Variants in SHTN1 observed in about 807,000 individuals in gnomAD.
SHTN1 encodes the protein shootin-1.
Under a neutral mutation model 83.1 loss-of-function variants are expected in SHTN1, and 42 were observed. The observed-to-expected ratio is 0.51, with a 90% CI of 0.39 to 0.65. The LOEUF (loss-of-function observed/expected upper bound fraction) is 0.65, where lower values mean the gene tolerates loss of function less well. Ranked by LOEUF, SHTN1 falls within the 30% of genes least tolerant of loss-of-function variation. The probability of loss-of-function intolerance (pLI) is 0.00; values close to 1 mark genes in which losing one functional copy is unlikely to be tolerated. For synonymous variants in SHTN1, 224 were observed against 247.7 expected (o/e 0.90, Z 0.90); for missense variants, 622 against 737.8 (o/e 0.84, Z 1.82).
intron 3 of SHTN1, 96 bp from the exon 4 acceptor site, chr10:116,960,326 C>G: frequency 1.4e-6 from 1 of 698,358 alleles, no homozygotes; most frequent in Non-Finnish European, 2.5e-6. Context: ...TACTTCAATT[C>G]TTTGGCTAGC....
intron 2 of SHTN1, among the ~76,000 whole-genome samples, chr10:117,017,037 G>A (rs1256752967): frequency 4.6e-5 from 7 of 152,072 alleles, no homozygotes; most frequent in Non-Finnish European, 7.4e-5. Flanking sequence ...TTGAGAAATG[G>A]CTGATTCTAA....
At chr10:116,990,737 G>A (rs10787735) in intron 1 of SHTN1, among the ~76,000 whole-genome samples, 89,553 of 151,910 alleles carry the variant, frequency 0.59, 29,519 homozygotes, top group Middle Eastern at 0.75. Context: ...TTTTCTGTTT[G>A]TCTTAGTGAC....
At chr10:117,007,288 T>A (rs1852034487), upstream of SHTN1, among the ~76,000 whole-genome samples, 1 of 151,884 alleles carries the variant, frequency 6.6e-6, no homozygotes, top group African/African-American at 2.4e-5. Context: ...ACAAGCAGAG[T>A]GCCCATTAAA....
intron 3 of SHTN1, among the ~76,000 whole-genome samples, chr10:116,963,074 T>G (rs1335260988): frequency 2.3e-5 from 1 of 42,820 alleles, no homozygotes; most frequent in East Asian, 5.6e-4. Context: ...TTTTTTTTTT[T>G]TTTTTTTTTT....
intron 10 of SHTN1, among the ~76,000 whole-genome samples, 179 bp from the exon 11 acceptor site, chr10:116,928,070 A>G (rs963582038): frequency 6.6e-6 from 1 of 152,232 alleles, no homozygotes; most frequent in Non-Finnish European, 1.5e-5. Context: ...GTCTATTGCT[A>G]ATGCAAGAGA....
chr10:117,025,481 A>G (rs906893757), intron 2 of SHTN1, among the ~76,000 whole-genome samples: 3 of 152,104 alleles, frequency 2.0e-5, no homozygotes, highest in African/African-American at 7.2e-5. Flanking sequence ...CAAAGGCAGC[A>G]CCTCCTAAGT....
intron 2 of SHTN1, among the ~76,000 whole-genome samples, chr10:117,047,089 G>A (rs1190160754): frequency 6.6e-6 from 1 of 152,086 alleles, no homozygotes; most frequent in South Asian, 2.1e-4. Context: ...TTTTGAGACA[G>A]AGTCTCACTC....
At chr10:117,099,105 T>C (rs577126077) in intron 1 of SHTN1, among the ~76,000 whole-genome samples, 2 of 152,016 alleles carry the variant, frequency 1.3e-5, no homozygotes, top group South Asian at 2.1e-4. Context: ...GAGGCCATTA[T>C]TCTAAGTGAA....
intron 11 of SHTN1, among the ~76,000 whole-genome samples, chr10:116,923,710 C>A (rs1244714219): frequency 6.6e-6 from 1 of 152,108 alleles, no homozygotes; most frequent in South Asian, 2.1e-4. Flanking sequence ...TACACCACCA[C>A]TCCTGGTTAA....
At chr10:116,931,262 G>C (rs916870824) in intron 9 of SHTN1, among the ~76,000 whole-genome samples, 4 of 150,380 alleles carry the variant, frequency 2.7e-5, no homozygotes, top group Admixed American at 1.3e-4. Flanking sequence ...TTTTGTTTTT[G>C]TTCTGAGATA....
intron 16 of SHTN1, among the ~76,000 whole-genome samples, chr10:116,886,863 G>T (rs921603284): frequency 6.6e-6 from 1 of 152,202 alleles, no homozygotes. Flanking sequence ...CTCAGGAAGC[G>T]TAAAGCTCAT....
chr10:117,090,940 G>C (rs1182048061), intron 1 of SHTN1, among the ~76,000 whole-genome samples: 3 of 152,132 alleles, frequency 2.0e-5, no homozygotes, highest in Non-Finnish European at 4.4e-5. Context: ...TTCTTTAAAG[G>C]CTTCTGACCC....
chr10:116,912,342 A>G (rs946537808), intron 13 of SHTN1, among the ~76,000 whole-genome samples: 2 of 152,196 alleles, frequency 1.3e-5, no homozygotes, highest in African/African-American at 4.8e-5. Context: ...CCTGGCATGT[A>G]AGAATTTCAC....
In SHTN1 at chr10:117,054,128, A is replaced by G. The variant is rs530531899; in HGVS notation, c.-188-5618T>C. Among the ~76,000 whole-genome samples, 113 of 152,306 alleles carry G rather than the reference A, an allele frequency of 7.4e-4. 3 individuals carry two copies. In the South Asian group the frequency reaches 0.022, roughly 30 times the overall value. ...CAATTGAATGGATCCCTGCTTAGCC[A>G]GGGAATCCCAGAGAAATTGAATTCC... On this transcript the variant is annotated intron_variant, in intron 1 of 17. Coordinates refer to the SHTN1 transcript ENST00000392901.
At chr10:116,901,331 C>T (rs1847726527) in intron 16 of SHTN1, 1 of 984,944 alleles carries the variant, frequency 1.0e-6, no homozygotes, top group South Asian at 4.7e-5. Flanking sequence ...ATATTAGGCA[C>T]ATCTTTAACT....
chr10:116,979,148 A>T (rs1245105268), intron 2 of SHTN1, 108 bp downstream of exon 2: 12 of 921,324 alleles, frequency 1.3e-5, no homozygotes, highest in Non-Finnish European at 2.1e-5. Context: ...AGAAAAGAAA[A>T]AAACAACCCT....
chr10:117,065,116 T>C (rs917406443), intron 1 of SHTN1, among the ~76,000 whole-genome samples: 3 of 151,898 alleles, frequency 2.0e-5, no homozygotes, highest in Non-Finnish European at 4.4e-5. Flanking sequence ...TGAGAACACA[T>C]GGACACAGGG....
chr10:116,994,475 T>C (rs796674045), intron 1 of SHTN1, among the ~76,000 whole-genome samples: 1 of 152,144 alleles, frequency 6.6e-6, no homozygotes, highest in East Asian at 1.9e-4. Flanking sequence ...AAATAAAAGA[T>C]TTTTGTTCAC....
intron 1 of SHTN1, among the ~76,000 whole-genome samples, chr10:117,085,798 T>G (rs975569118): frequency 2.0e-5 from 3 of 152,240 alleles, no homozygotes; most frequent in Non-Finnish European, 4.4e-5. Flanking sequence ...ATTGATGCTC[T>G]GTTGTCAAGT....
Sources: gnomAD v4.1 joint callset for allele counts (sites outside exome capture counted in the v4.1 genomes callset) on GRCh38, gnomAD v4.1.1 for gene constraint, MANE v1.5 for transcripts, NCBI Gene and HGNC (gene_info 2026-07-23, HGNC 2026-07-21) for gene names.